The following PINX1 variants were observed in gnomAD, a reference collection of about 807,000 sequenced individuals.
PINX1 encodes PIN2 (TERF1) interacting telomerase inhibitor 1.
Under a neutral mutation model 25.4 loss-of-function variants are expected in PINX1, and 34 were observed. The observed-to-expected ratio is 1.34, with a 90% CI of 1.02 to 1.78. The LOEUF (loss-of-function observed/expected upper bound fraction) is 1.78, where lower values mean the gene tolerates loss of function less well. PINX1 is among the 40% of genes most tolerant of loss of function. The pLI, the probability that PINX1 is intolerant of heterozygous loss-of-function variation, is 0.00. For missense variants in PINX1, 592 were observed against 404.9 expected, an observed-to-expected ratio of 1.46 and a Z score of -3.97; for synonymous variants, 197 against 147.7, an observed-to-expected ratio of 1.33 and a Z score of -2.42.
At chr8:10,775,433 T>G (rs1408878303) in intron 6 of PINX1, among the ~76,000 whole-genome samples, 2 of 149,694 alleles carry the variant, frequency 1.3e-5, no homozygotes, top group African/African-American at 2.4e-5. Flanking sequence ...TTTTTTTTTT[T>G]TTTTTTTGCC....
chr8:10,807,455 T>C (rs1802489931), intron 6 of PINX1, among the ~76,000 whole-genome samples: 1 of 151,114 alleles, frequency 6.6e-6, no homozygotes, highest in African/African-American at 2.4e-5. Context: ...GAAAAAATTA[T>C]GAAACAGCTA....
chr8:10,788,484 G>C (rs993118592), intron 6 of PINX1, among the ~76,000 whole-genome samples: 2 of 152,092 alleles, frequency 1.3e-5, no homozygotes, highest in East Asian at 1.9e-4. Flanking sequence ...AGAATCGCTT[G>C]AAACCGGGAG....
intron 6 of PINX1, among the ~76,000 whole-genome samples, chr8:10,770,519 C>T (rs543320444): frequency 4.6e-5 from 7 of 152,300 alleles, no homozygotes; most frequent in Admixed American, 3.3e-4. Context: ...CTTTTAGGAT[C>T]CTCCATCTGG....
chr8:10,771,778 T>C (rs1801230792), intron 6 of PINX1, among the ~76,000 whole-genome samples: 1 of 152,166 alleles, frequency 6.6e-6, no homozygotes, highest in Non-Finnish European at 1.5e-5. Context: ...AATCAGCATT[T>C]TGAGTGCAGA....
At chr8:10,777,569 G>T (rs1251291842) in intron 6 of PINX1, among the ~76,000 whole-genome samples, 18 of 152,282 alleles carry the variant, frequency 1.2e-4, no homozygotes, top group Admixed American at 6.5e-4. Flanking sequence ...AGTGGCTTGG[G>T]GACTGCAGGG....
intron 6 of PINX1, among the ~76,000 whole-genome samples, chr8:10,791,464 C>T (rs535761835): frequency 1.7e-4 from 26 of 152,242 alleles, no homozygotes; most frequent in Non-Finnish European, 2.2e-4. Flanking sequence ...CTGGCCGTGA[C>T]GAGGGCTGAG....
intron 6 of PINX1, among the ~76,000 whole-genome samples, chr8:10,767,085 C>G (rs1376378370): frequency 6.9e-6 from 1 of 145,706 alleles, no homozygotes; most frequent in East Asian, 2.1e-4. Flanking sequence ...ACTCATTTAT[C>G]TCACAAGAAG....
In PINX1 at chr8:10,838,663, A is replaced by G. The variant is rs536378385; in HGVS notation, c.19+1075T>C. Among the ~76,000 whole-genome samples, 81 of 152,170 alleles carry G rather than the reference A, an allele frequency of 5.3e-4. 1 individual carries two copies. The highest frequency in any genetic ancestry group is 2.0e-3 in the African/African-American group (81 of 41,506). ...CTTAGCTATCTAGGCTCTAACCCTG[A>G]CTCCTCATTTTTTACTGGTGAAAAA... On this transcript the variant is annotated intron_variant, in intron 1 of 6. Coordinates refer to ENST00000314787, the MANE Select transcript of PINX1 (RefSeq NM_017884.6).
At chr8:10,789,158 C>T (rs1419499647) in intron 6 of PINX1, among the ~76,000 whole-genome samples, 1 of 152,202 alleles carries the variant, frequency 6.6e-6, no homozygotes, top group Non-Finnish European at 1.5e-5. Flanking sequence ...GAATAAAAGA[C>T]TCCCACCTTC....
chr8:10,803,295 TCA>T (rs1802327744), intron 6 of PINX1, among the ~76,000 whole-genome samples: 2 of 152,294 alleles, frequency 1.3e-5, no homozygotes, highest in South Asian at 4.1e-4. Flanking sequence ...CCTTACACAA[TCA>T]CAGTGCCATT....
intron 6 of PINX1, among the ~76,000 whole-genome samples, chr8:10,815,255 T>C (rs1432813590): frequency 6.6e-6 from 1 of 152,206 alleles, no homozygotes; most frequent in African/African-American, 2.4e-5. Context: ...AATTTCTTTA[T>C]TAGACGCAAA....
At position 10,832,997 on chromosome 8, in the gene PINX1, AAC is replaced by A. The variant is rs779289366; in HGVS notation, c.130-15_130-14del. ...GAGCCCCTAAACCCTGTGGAGATTA[AAC>A]ACAGAGAGTTAGAACATTCCTCTCA... is the stretch of plus-strand genomic sequence containing the variant. On this transcript the variant is annotated splice_polypyrimidine_tract_variant and intron_variant, in intron 2 of 6. Coordinates refer to ENST00000314787, the MANE Select transcript of PINX1 (RefSeq NM_017884.6). 3 of 1,544,624 alleles carry A rather than the reference AAC, an allele frequency of 1.9e-6. No homozygotes were observed. The highest frequency in any genetic ancestry group is 2.3e-5 in the East Asian group (1 of 44,328).
chr8:10,838,990 T>C (rs1279020598), intron 1 of PINX1, among the ~76,000 whole-genome samples: 1 of 152,200 alleles, frequency 6.6e-6, no homozygotes, highest in Admixed American at 6.5e-5. Flanking sequence ...AAGCTGTTTC[T>C]GTTCTTTGCT....
chr8:10,801,943 C>A (rs538864928), intron 6 of PINX1, among the ~76,000 whole-genome samples: 7 of 152,298 alleles, frequency 4.6e-5, no homozygotes, highest in African/African-American at 1.7e-4. Context: ...ACAAGCACCA[C>A]TGGAATGCAG....
chr8:10,801,678 C>T (rs966626258), intron 6 of PINX1, among the ~76,000 whole-genome samples: 1 of 152,110 alleles, frequency 6.6e-6, no homozygotes, highest in Non-Finnish European at 1.5e-5. Flanking sequence ...GGGACTTGAG[C>T]CTAAGTTTCT....
At chr8:10,831,396 T>C (rs533833568) in intron 4 of PINX1, among the ~76,000 whole-genome samples, 2 of 152,168 alleles carry the variant, frequency 1.3e-5, no homozygotes, top group Non-Finnish European at 2.9e-5. Flanking sequence ...CTATAATAAA[T>C]AATATTTTAT....
intron 6 of PINX1, among the ~76,000 whole-genome samples, chr8:10,813,913 A>G (rs1276468315): frequency 1.1e-5 from 1 of 89,716 alleles, no homozygotes; most frequent in Non-Finnish European, 2.5e-5. Flanking sequence ...ATGAGAGAGG[A>G]AAAAAAAAAA....
chr8:10,778,355 C>G (rs1318292264), intron 6 of PINX1, among the ~76,000 whole-genome samples: 2 of 152,058 alleles, frequency 1.3e-5, no homozygotes, highest in Non-Finnish European at 2.9e-5. Flanking sequence ...GAACATCCCT[C>G]TCGTTTTTGC....
intron 6 of PINX1, chr8:10,771,466 CT>C (rs1334720232): frequency 6.6e-5 from 10 of 152,318 alleles, no homozygotes; most frequent in African/African-American, 2.2e-4. Flanking sequence ...CAACTTGTTG[CT>C]TCTATTTTCT....
Sources: allele counts gnomAD v4.1 joint callset (sites outside exome capture counted in the v4.1 genomes callset), GRCh38; gene constraint gnomAD v4.1.1; transcripts MANE v1.5; gene names NCBI Gene and HGNC (gene_info 2026-07-23, HGNC 2026-07-21).